Variants in SATB1 observed in about 807,000 individuals in gnomAD.
SATB1 encodes DNA-binding protein SATB1.
Under a neutral mutation model 86.9 loss-of-function variants are expected in SATB1, and 11 were observed. The ratio of observed to expected loss-of-function variants is 0.13; its 90% confidence interval spans 0.08 to 0.21. The LOEUF (loss-of-function observed/expected upper bound fraction) is 0.21, where lower values mean the gene tolerates loss of function less well. SATB1 is among the 10% of genes least tolerant of loss of function. The pLI is 1.00. For missense variants in SATB1, 551 were observed against 937.6 expected (o/e 0.59, Z 5.39); for synonymous variants, 357 against 357.2 (o/e 1.00, Z 0.01).
At chr3:18,440,205 A>G (rs1699200248), upstream of SATB1, among the ~76,000 whole-genome samples, 1 of 152,226 alleles carries the variant, frequency 6.6e-6, no homozygotes, top group Non-Finnish European at 1.5e-5. Flanking sequence ...GGTTGCTTTA[A>G]GATGACTATT....
chr3:18,370,540 GAAAAACA>G (rs1268440054), intron 9 of SATB1, among the ~76,000 whole-genome samples: 1 of 88,178 alleles, frequency 1.1e-5, no homozygotes, highest in African/African-American at 4.3e-5. Flanking sequence ...AAAAAAAGAG[GAAAAACA>G]AAAAAGAAAA....
At chr3:18,407,919 G>A (rs1697629955) in intron 5 of SATB1, among the ~76,000 whole-genome samples, 2 of 151,952 alleles carry the variant, frequency 1.3e-5, no homozygotes, top group African/African-American at 4.8e-5. Context: ...TTACATTTCT[G>A]AACTTCCTTG....
Position 18,394,494 on chromosome 3 carries a change from C to A in SATB1, c.1174G>T (p.Val392Leu), listed in dbSNP as rs1343847976. The change falls in exon 7 of 11, where the codon GTA becomes TTA. Residue 392 changes from valine (V) to leucine (L), a missense_variant. Coordinates refer to ENST00000338745, the MANE Select transcript of SATB1 (RefSeq NM_002971.6). The surrounding 1 kb of genome is among the most constrained non-coding windows in gnomAD (Gnocchi z 5.9). ...ELKRAGISQA[V>L]FARVAFNRTQ... ...CTGTTAAAAGCCACACGTGCAAATA[C>A]CGCCTGGGAGATTCCTGCTCGTTTC... 2.5e-6 allele frequency: 4 copies of A among 1,614,200 alleles called. No individual in the cohort carries two copies. The highest frequency in any genetic ancestry group is 3.4e-6 in the Non-Finnish European group (4 of 1,180,048).
chr3:18,434,786 A>G (rs1362247042), intron 2 of SATB1: 1 of 152,072 alleles, frequency 6.6e-6, no homozygotes, highest in Non-Finnish European at 1.5e-5. Flanking sequence ...TGAAAGAGAA[A>G]ATATAAATAT....
chr3:18,409,895 C>A (rs1308524673), intron 5 of SATB1, among the ~76,000 whole-genome samples: 1 of 152,006 alleles, frequency 6.6e-6, no homozygotes, highest in East Asian at 1.9e-4. Context: ...TATTTTCAAA[C>A]AGACCCAAGA....
intron 8 of SATB1, among the ~76,000 whole-genome samples, chr3:18,382,426 A>G (rs2125197718): frequency 6.6e-6 from 1 of 152,352 alleles, no homozygotes; most frequent in South Asian, 2.1e-4. Context: ...CATAAAATGC[A>G]CAAATCAAAT....
chr3:18,411,069 A>C (rs1194735890), intron 5 of SATB1: 1 of 391,986 alleles, frequency 2.6e-6, no homozygotes, highest in Non-Finnish European at 4.5e-6. Context: ...GAATAAAAGG[A>C]AAGTTGGAAA....
chr3:18,408,679 GT>G (rs11300289), intron 5 of SATB1: 97,278 of 144,836 alleles, frequency 0.67, 32,472 homozygotes, highest in South Asian at 0.75. Context: ...TGATTATCAG[GT>G]TTTTTTTTTT....
At chr3:18,379,316 C>A (rs546868155) in intron 8 of SATB1, among the ~76,000 whole-genome samples, 1 of 152,184 alleles carries the variant, frequency 6.6e-6, no homozygotes, top group South Asian at 2.1e-4. Flanking sequence ...TACATAAAAA[C>A]CATGTAGCTG....
intron 10 of SATB1, chr3:18,351,696 T>G (rs1470992366): frequency 1.4e-5 from 7 of 501,876 alleles, no homozygotes; most frequent in Non-Finnish European, 2.5e-5. Flanking sequence ...CACAAAAATT[T>G]TAAGCTCTTA....
At chr3:18,430,257 A>G (rs1160456958), upstream of SATB1, among the ~76,000 whole-genome samples, 1 of 152,174 alleles carries the variant, frequency 6.6e-6, no homozygotes, top group African/African-American at 2.4e-5. Flanking sequence ...GAGGAGTCTT[A>G]GAGGTGCTAA....
At chr3:18,355,955 T>G in intron 9 of SATB1, among the ~76,000 whole-genome samples, 1 of 151,988 alleles carries the variant, frequency 6.6e-6, no homozygotes, top group East Asian at 1.9e-4. Context: ...TGTAAATAAA[T>G]TAGTAAAACT....
chr3:18,394,687 C>A lies in SATB1; in HGVS notation c.981G>T (p.Leu327=). The change falls in exon 7 of 11, where the codon CTG becomes CTT. Residue 327 remains leucine (L), a synonymous_variant. Coordinates refer to ENST00000338745, the MANE Select transcript of SATB1 (RefSeq NM_002971.6). The surrounding 1 kb of genome is among the most constrained non-coding windows in gnomAD (Gnocchi z 5.9). ...VNQQLVMAQL[L]NQQYAVNRLL... ...GTCTATTCACTGCATACTGCTGGTT[C>A]AGCAGCTGAGCCATCACCAGCTGCT... 6.2e-7 allele frequency: 1 copy of A among 1,614,088 alleles called. No individual in the cohort carries two copies. The highest frequency in any genetic ancestry group is 1.1e-5 in the South Asian group (1 of 91,074).
intron 5 of SATB1, among the ~76,000 whole-genome samples, chr3:18,412,765 G>A (rs1697921663): frequency 6.6e-6 from 1 of 151,796 alleles, no homozygotes; most frequent in Non-Finnish European, 1.5e-5. Context: ...TAGGCTTTAG[G>A]GAACTTGCAT....
chr3:18,398,201 G>A (rs1371536237), intron 5 of SATB1, among the ~76,000 whole-genome samples: 1 of 152,064 alleles, frequency 6.6e-6, no homozygotes, highest in Non-Finnish European at 1.5e-5. Context: ...TGAATCACTA[G>A]GAGGGTTTCT....
chr3:18,387,123 T>C (rs568336527), intron 7 of SATB1, among the ~76,000 whole-genome samples: 49 of 152,234 alleles, frequency 3.2e-4, no homozygotes, highest in Non-Finnish European at 4.7e-4. Flanking sequence ...ATGCTGTATT[T>C]TCACAGGCAA....
intron 2 of SATB1, among the ~76,000 whole-genome samples, chr3:18,419,001 A>G (rs1347163269): frequency 6.6e-6 from 1 of 152,114 alleles, no homozygotes; most frequent in Non-Finnish European, 1.5e-5. Flanking sequence ...GTACACATTC[A>G]TTTTTCCTTT....
chr3:18,441,712 C>T (rs545906157), upstream of SATB1, among the ~76,000 whole-genome samples: 88 of 152,182 alleles, frequency 5.8e-4, no homozygotes, highest in South Asian at 0.018. Flanking sequence ...AATATTTTTA[C>T]AATAATGAGG....
At chr3:18,445,232 C>T in intron 1 of SATB1, 1 of 982,010 alleles carries the variant, frequency 1.0e-6, no homozygotes, top group Non-Finnish European at 1.2e-6. Context: ...GCGGTGGGAG[C>T]CTCGGCGGCC....
Sources: gnomAD v4.1 joint callset for allele counts (sites outside exome capture counted in the v4.1 genomes callset) on GRCh38, gnomAD v4.1.1 for gene constraint, Gnocchi (gnomAD v3.1) non-coding constraint, MANE v1.5 for transcripts, NCBI Gene and HGNC (gene_info 2026-07-23, HGNC 2026-07-21) for gene names.